Variants in TGIF1 observed in about 807,000 individuals in gnomAD.
TGIF1 encodes homeobox protein TGIF1.
In TGIF1, 4 loss-of-function variants were observed where a neutral mutation model predicts 19.3. That is an observed-to-expected ratio of 0.21 (90% CI 0.10 to 0.47). The LOEUF is 0.47. Among genes scored for constraint, TGIF1 ranks in the 20% least tolerant of loss-of-function variants. The pLI, the probability that TGIF1 is intolerant of heterozygous loss-of-function variation, is 0.98. For missense variants in TGIF1, 275 were observed against 341.4 expected (o/e 0.81, Z 1.53); for synonymous variants, 122 against 129.3 (o/e 0.94, Z 0.38).
At chr18:3,433,394 C>T (rs2143202011) in intron 2 of TGIF1, among the ~76,000 whole-genome samples, 1 of 152,094 alleles carries the variant, frequency 6.6e-6, no homozygotes, top group African/African-American at 2.4e-5. Context: ...TTCTATAAGG[C>T]TAAAATCACT....
Position 3,451,349 on chromosome 18 carries a change from G to T in TGIF1, c.16+844G>T. 1 of 985,190 alleles carries T rather than the reference G, an allele frequency of 1.0e-6. No homozygotes were observed. Among genetic ancestry groups the T allele is most frequent in the Non-Finnish European group, 1.2e-6 (1 of 829,840 alleles). 61.0% of individuals were successfully genotyped at this position (985,190 alleles called of 1,614,324 possible). ...TTTAAAAACAAAATACACCGGAGGG[G>T]GACGGGGGGTGGAGAAACCACACAA... On this transcript the variant is annotated intron_variant, in intron 1 of 2. Transcript: ENST00000343820. The surrounding 1 kb of genome is among the most constrained non-coding windows in gnomAD (Gnocchi z 5.4).
upstream of TGIF1, chr18:3,449,606 G>A (rs764473057): frequency 6.1e-6 from 6 of 984,770 alleles, no homozygotes; most frequent in African/African-American, 1.1e-4. Context: ...GAGGAGAAGG[G>A]TGCGCCGCGC....
At chr18:3,431,260 A>G (rs1163332733) in intron 2 of TGIF1, among the ~76,000 whole-genome samples, 2 of 152,170 alleles carry the variant, frequency 1.3e-5, no homozygotes, top group Non-Finnish European at 2.9e-5. Flanking sequence ...CAGCCTGACC[A>G]ACATAGTGAA....
intron 2 of TGIF1, among the ~76,000 whole-genome samples, chr18:3,428,893 A>G (rs909796930): frequency 1.7e-4 from 26 of 152,008 alleles, no homozygotes; most frequent in African/African-American, 6.0e-4. Context: ...ATACAGAAAT[A>G]AAAAATAAAA....
intron 1 of TGIF1, chr18:3,452,079 C>T (rs780394601): frequency 1.2e-6 from 2 of 1,613,918 alleles, no homozygotes; most frequent in African/African-American, 1.3e-5. Context: ...GCCCGCCTCC[C>T]ACCCCGGGAA....
intron 1 of TGIF1, chr18:3,452,477 T>A: frequency 6.4e-7 from 1 of 1,572,600 alleles, no homozygotes. Context: ...CCCTTTTAGG[T>A]TTCCCTGGCG....
chr18:3,448,745 G>T (rs2082805071), upstream of TGIF1: 1 of 481,478 alleles, frequency 2.1e-6, no homozygotes, highest in African/African-American at 4.1e-5. Context: ...TTTTGAGGGA[G>T]GGTGGCAGGC....
intron 2 of TGIF1, among the ~76,000 whole-genome samples, chr18:3,440,753 G>C: frequency 6.6e-6 from 1 of 152,152 alleles, no homozygotes; most frequent in Non-Finnish European, 1.5e-5. Flanking sequence ...TATATCCATA[G>C]TTACAATGGA....
intron 1 of TGIF1, among the ~76,000 whole-genome samples, chr18:3,416,039 G>A (rs1483775559): frequency 6.6e-6 from 1 of 152,146 alleles, no homozygotes; most frequent in Non-Finnish European, 1.5e-5. Context: ...GGTATTTGAT[G>A]GTGCTTATTT....
chr18:3,427,693 G>A (rs929445265), intron 2 of TGIF1, among the ~76,000 whole-genome samples: 18 of 150,424 alleles, frequency 1.2e-4, no homozygotes, highest in South Asian at 6.3e-4. Flanking sequence ...TCCACCTCCC[G>A]GGTTCAAGCA....
At chr18:3,453,042 C>G (rs186128829) in intron 1 of TGIF1, among the ~76,000 whole-genome samples, 220 of 152,252 alleles carry the variant, frequency 1.4e-3, no homozygotes, top group African/African-American at 5.2e-3. Context: ...GCCAACCATA[C>G]CTTGGATTTG....
At chr18:3,431,467 ATAATT>A (rs979422795) in intron 2 of TGIF1, among the ~76,000 whole-genome samples, 5 of 151,976 alleles carry the variant, frequency 3.3e-5, no homozygotes, top group African/African-American at 1.2e-4. Context: ...CTAAAATAAA[ATAATT>A]AAATCATAAA....
chr18:3,448,669 C>T (rs1598889065), upstream of TGIF1: 1 of 975,778 alleles, frequency 1.0e-6, no homozygotes, highest in Non-Finnish European at 1.2e-6. Flanking sequence ...GAAAAACCAC[C>T]CAGGCTTTTT....
chr18:3,445,499 C>T (rs188812206), upstream of TGIF1, among the ~76,000 whole-genome samples: 2,436 of 151,042 alleles, frequency 0.016, 36 homozygotes, highest in Non-Finnish European at 0.023. Context: ...CTGAGGCGGG[C>T]GGATCATGAG....
At chr18:3,431,800 G>C (rs539550647) in intron 2 of TGIF1, among the ~76,000 whole-genome samples, 1 of 152,062 alleles carries the variant, frequency 6.6e-6, no homozygotes, top group Non-Finnish European at 1.5e-5. Flanking sequence ...TACCAGTAAG[G>C]GGACAAGCCC....
rs117392093 is a variant in TGIF1, at chr18:3,425,149, G to A, written c.-45+6934G>A. Among the ~76,000 whole-genome samples, 161 of 152,318 alleles carry A rather than the reference G, an allele frequency of 1.1e-3. 4 individuals carry two copies. The East Asian group carries it at 0.026, about 24-fold the overall frequency. On this transcript the variant is annotated intron_variant, in intron 2 of 3. Transcript: ENST00000401449. ...TTGATGCTACCTTCAGGTAGATAGT[G>A]TCAGAATTGAACTGAATTCTAGAGG...
chr18:3,445,715 C>T (rs1271703900), upstream of TGIF1, among the ~76,000 whole-genome samples: 2 of 77,662 alleles, frequency 2.6e-5, no homozygotes, highest in African/African-American at 5.3e-5. Context: ...CAGAGCAAGA[C>T]TCTGTCTCAA....
At position 3,457,983 on chromosome 18, in the gene TGIF1, C is replaced by T. The variant is rs745773389; in HGVS notation, c.*43C>T. ...CAGTTCTCAGAAATGTCATGATTGC[C>T]GGGGTGAAGGCAAGAGATGAATTGC... On this transcript the variant is annotated 3_prime_UTR_variant, in exon 3 of 3. Coordinates refer to ENST00000343820, the MANE Select transcript of TGIF1 (RefSeq NM_003244.4). The surrounding 1 kb of genome is among the most constrained non-coding windows in gnomAD (Gnocchi z 4.9). 8.3e-6 allele frequency: 13 copies of T among 1,563,090 alleles called. No homozygotes were observed. The highest frequency in any genetic ancestry group is 6.7e-5 in the East Asian group (3 of 44,738).
chr18:3,418,257 A>G (rs2082358009), intron 2 of TGIF1: 1 of 152,154 alleles, frequency 6.6e-6, no homozygotes, highest in African/African-American at 2.4e-5. Context: ...TGGAAGTTGC[A>G]CACTTCATTT....
Sources: allele counts gnomAD v4.1 joint callset (sites outside exome capture counted in the v4.1 genomes callset), GRCh38; gene constraint gnomAD v4.1.1; non-coding constraint Gnocchi (gnomAD v3.1); transcripts MANE v1.5; gene names NCBI Gene and HGNC (gene_info 2026-07-23, HGNC 2026-07-21).